MED12L: variants seen among roughly 807,000 people sequenced by gnomAD.
MED12L encodes mediator complex subunit 12L.
MED12L carries 60 observed loss-of-function variants against 281.3 expected under a neutral mutation model. The observed-to-expected ratio is 0.21, with a 90% CI of 0.17 to 0.26. The LOEUF (loss-of-function observed/expected upper bound fraction) is 0.26. Ranked by LOEUF, MED12L falls within the 10% of genes least tolerant of loss-of-function variation. The pLI is 1.00. For missense variants in MED12L, 2,146 were observed against 2,680.9 expected (o/e 0.80, Z 4.41); for synonymous variants, 974 against 987.2 (o/e 0.99, Z 0.25).
At chr3:151,183,080 G>A (rs73018621) in intron 11 of MED12L, among the ~76,000 whole-genome samples, 11,232 of 151,648 alleles carry the variant, frequency 0.074, 951 homozygotes, top group East Asian at 0.2. Context: ...CTATTTATCA[G>A]AAATCTGATA....
chr3:151,108,307 T>G (rs1711496167), intron 2 of MED12L, among the ~76,000 whole-genome samples: 1 of 151,926 alleles, frequency 6.6e-6, no homozygotes. Flanking sequence ...GGAGATATGT[T>G]TTGAGAGAAG....
chr3:151,184,569 C>T (rs746919545), intron 11 of MED12L, among the ~76,000 whole-genome samples: 3 of 152,144 alleles, frequency 2.0e-5, no homozygotes, highest in Admixed American at 1.3e-4. Flanking sequence ...ACCATCTCCC[C>T]GCTCACCACT....
At chr3:151,308,983 T>A (rs1462397897) in intron 16 of MED12L, among the ~76,000 whole-genome samples, 1 of 152,150 alleles carries the variant, frequency 6.6e-6, no homozygotes, top group East Asian at 1.9e-4. Context: ...TATGAGTGGA[T>A]ATTTCACCTT....
intron 16 of MED12L, among the ~76,000 whole-genome samples, chr3:151,254,361 T>G (rs555289938): frequency 9.8e-5 from 15 of 152,354 alleles, no homozygotes; most frequent in Non-Finnish European, 1.9e-4. Context: ...AGCAGAGGCT[T>G]AACATTTACG....
intron 2 of MED12L, among the ~76,000 whole-genome samples, chr3:151,095,750 C>G (rs1249606738): frequency 6.6e-6 from 1 of 151,832 alleles, no homozygotes; most frequent in Non-Finnish European, 1.5e-5. Context: ...TTTTTTAAAG[C>G]CAGATCCTAG....
chr3:151,303,566 A>G (rs758288188), intron 16 of MED12L, among the ~76,000 whole-genome samples: 8 of 152,020 alleles, frequency 5.3e-5, no homozygotes, highest in Non-Finnish European at 8.8e-5. Context: ...AGTTTGAGAC[A>G]AGCCTGGCCA....
chr3:151,398,390 C>T (rs1337341832), intron 39 of MED12L, among the ~76,000 whole-genome samples: 1 of 152,198 alleles, frequency 6.6e-6, no homozygotes, highest in Non-Finnish European at 1.5e-5. Flanking sequence ...TTCAGTGATA[C>T]ACAATGAAAA....
At chr3:151,184,185 T>C (rs935745842) in intron 11 of MED12L, among the ~76,000 whole-genome samples, 3 of 152,216 alleles carry the variant, frequency 2.0e-5, no homozygotes, top group Non-Finnish European at 2.9e-5. Flanking sequence ...TAGGGTATGA[T>C]GAATAAAAAT....
intron 16 of MED12L, among the ~76,000 whole-genome samples, chr3:151,230,181 A>T (rs987649045): frequency 2.0e-5 from 3 of 151,848 alleles, no homozygotes; most frequent in Non-Finnish European, 4.4e-5. Context: ...TCACCGTGTT[A>T]GCCAGGATTG....
chr3:151,328,712 A>G (rs1304227985), intron 16 of MED12L: 6 of 1,614,040 alleles, frequency 3.7e-6, no homozygotes, highest in Middle Eastern at 1.6e-4. Flanking sequence ...AAAACGACAC[A>G]CAAAAGCTCT....
chr3:151,396,839 T>C (rs1254817547), intron 39 of MED12L, among the ~76,000 whole-genome samples: 1 of 152,234 alleles, frequency 6.6e-6, no homozygotes, highest in Non-Finnish European at 1.5e-5. Flanking sequence ...ATACCTGTTT[T>C]TAAAAGGTTC....
intron 11 of MED12L, among the ~76,000 whole-genome samples, chr3:151,166,485 A>G (rs1720735039): frequency 1.3e-5 from 2 of 152,086 alleles, no homozygotes; most frequent in African/African-American, 4.8e-5. Flanking sequence ...ATATGTTTAT[A>G]TCTACCTAGA....
At chr3:151,362,403 A>T (rs572184818) in intron 21 of MED12L, among the ~76,000 whole-genome samples, 1 of 151,916 alleles carries the variant, frequency 6.6e-6, no homozygotes, top group African/African-American at 2.4e-5. Flanking sequence ...TACTGATCAA[A>T]CACTCTAAGA....
chr3:151,364,264 G>A lies in MED12L; in HGVS notation c.2958-715G>A, dbSNP rs189313373. ...GGTTCTAATTCCTGTTATACTTCTA[G>A]TAGTCTATATCTGATTCAGACGTAA... On this transcript the variant is annotated intron_variant, in intron 21 of 44. Transcript: ENST00000687756. Among the ~76,000 whole-genome samples the A allele has an allele frequency of 1.6e-4, 25 of 152,312 alleles. No individual in the cohort carries two copies. The East Asian group carries it at 4.6e-3, about 28-fold the overall frequency.
chr3:151,096,858 T>A (rs1720787483), intron 2 of MED12L, among the ~76,000 whole-genome samples: 1 of 152,216 alleles, frequency 6.6e-6, no homozygotes, highest in Admixed American at 6.5e-5. Context: ...CCCCTTCTGG[T>A]AAACACCCTC....
At chr3:151,317,759 G>A (rs1201934322) in intron 16 of MED12L, among the ~76,000 whole-genome samples, 2 of 151,632 alleles carry the variant, frequency 1.3e-5, no homozygotes, top group Non-Finnish European at 2.9e-5. Flanking sequence ...CACTTTTTCT[G>A]ATTTGTAAAT....
At chr3:151,119,055 T>G (rs1392949094) in intron 3 of MED12L, among the ~76,000 whole-genome samples, 1 of 152,210 alleles carries the variant, frequency 6.6e-6, no homozygotes, top group East Asian at 1.9e-4. Context: ...TATGCACTTT[T>G]CCTTATGGCT....
intron 31 of MED12L, 152 bp from the exon 32 acceptor site, chr3:151,379,961 T>G: frequency 1.9e-6 from 1 of 529,866 alleles, no homozygotes. Context: ...TTTAATTTTA[T>G]AAGTAGAGGT....
At chr3:151,409,204 C>T (rs1716683433) in intron 39 of MED12L, 39 bp from the exon 40 acceptor site, 1 of 1,496,160 alleles carries the variant, frequency 6.7e-7, no homozygotes, top group African/African-American at 1.4e-5. Context: ...CAAGCCCTTG[C>T]TGTTATGATC....
Sources: gnomAD v4.1 joint callset for allele counts (sites outside exome capture counted in the v4.1 genomes callset) on GRCh38, gnomAD v4.1.1 for gene constraint, MANE v1.5 for transcripts, NCBI Gene and HGNC (gene_info 2026-07-23, HGNC 2026-07-21) for gene names.